The following LSAMP variants were observed in gnomAD, a reference collection of about 807,000 sequenced individuals.
The protein encoded by LSAMP is limbic system-associated membrane protein.
A neutral mutation model predicts 38.6 loss-of-function variants in LSAMP; 7 were observed. The observed-to-expected ratio is 0.18, with a 90% CI of 0.10 to 0.34. The LOEUF (loss-of-function observed/expected upper bound fraction) is 0.34, where lower values mean the gene tolerates loss of function less well. Ranked by LOEUF, LSAMP falls within the 10% of genes least tolerant of loss-of-function variation. LSAMP has a pLI of 1.00. For synonymous variants in LSAMP, 154 were observed against 166.8 expected, an observed-to-expected ratio of 0.92 and a Z score of 0.59; for missense variants, 313 against 420.0, an observed-to-expected ratio of 0.75 and a Z score of 2.23.
At chr3:116,392,362 G>A (rs567822854) in intron 1 of LSAMP, among the ~76,000 whole-genome samples, 7 of 152,314 alleles carry the variant, frequency 4.6e-5, no homozygotes, top group East Asian at 1.9e-4. Context: ...TCTCCCCACT[G>A]TTCACACTTG....
chr3:115,985,420 C>T (rs1189438477), intron 3 of LSAMP, among the ~76,000 whole-genome samples: 3 of 152,078 alleles, frequency 2.0e-5, no homozygotes, highest in East Asian at 1.9e-4. Flanking sequence ...CATGCTTAAC[C>T]GAGTAAGCAG....
chr3:115,969,220 C>T (rs78857574), intron 3 of LSAMP, among the ~76,000 whole-genome samples: 2,310 of 152,254 alleles, frequency 0.015, 27 homozygotes, highest in Non-Finnish European at 0.026. Flanking sequence ...GACATTTCTG[C>T]GGAGAGGACG....
chr3:116,017,536 C>A (rs1433916551), intron 3 of LSAMP, among the ~76,000 whole-genome samples: 1 of 151,944 alleles, frequency 6.6e-6, no homozygotes. Flanking sequence ...TGGACTTGAT[C>A]CCATAAACTT....
At chr3:116,387,956 G>A (rs1157738322) in intron 1 of LSAMP, among the ~76,000 whole-genome samples, 1 of 151,764 alleles carries the variant, frequency 6.6e-6, no homozygotes, top group African/African-American at 2.4e-5. Context: ...AAAAAAAAAT[G>A]AGTTGGGTGT....
intron 2 of LSAMP, chr3:116,051,206 G>A (rs1198412565): frequency 6.6e-6 from 1 of 152,186 alleles, no homozygotes; most frequent in Non-Finnish European, 1.5e-5. Flanking sequence ...GGAGCAGCAA[G>A]GTGAATGACG....
intron 1 of LSAMP, among the ~76,000 whole-genome samples, chr3:116,170,841 C>A (rs1710179718): frequency 6.6e-6 from 1 of 151,974 alleles, no homozygotes; most frequent in Non-Finnish European, 1.5e-5. Flanking sequence ...ACAAGTTGGG[C>A]AGGCTCCAGG....
chr3:116,105,672 A>G (rs1015785154), intron 1 of LSAMP, among the ~76,000 whole-genome samples: 1 of 152,194 alleles, frequency 6.6e-6, no homozygotes, highest in African/African-American at 2.4e-5. Context: ...GTCATCAGTT[A>G]AGGCGGGGCA....
At chr3:115,830,838 G>A (rs950560980) in intron 6 of LSAMP, among the ~76,000 whole-genome samples, 56 of 152,066 alleles carry the variant, frequency 3.7e-4, no homozygotes, top group African/African-American at 1.3e-3. Context: ...TGTATTACTG[G>A]GAATGCCAGG....
At chr3:115,853,757 C>A (rs1280010574) in intron 3 of LSAMP, among the ~76,000 whole-genome samples, 32 of 152,104 alleles carry the variant, frequency 2.1e-4, no homozygotes, top group Non-Finnish European at 4.4e-5. Flanking sequence ...ACCCCCTCAC[C>A]CCAAAATTTC....
chr3:115,853,000 G>A (rs116625423), intron 3 of LSAMP, among the ~76,000 whole-genome samples: 3 of 152,154 alleles, frequency 2.0e-5, no homozygotes, highest in South Asian at 4.1e-4. Context: ...GTGTTCATAG[G>A]TGCATGCACT....
intron 3 of LSAMP, among the ~76,000 whole-genome samples, chr3:115,854,285 T>A (rs12233578): frequency 0.15 from 13,230 of 89,682 alleles, 590 homozygotes; most frequent in African/African-American, 0.17. Flanking sequence ...TATTATTATT[T>A]TTTTTTTTTT....
intron 1 of LSAMP, among the ~76,000 whole-genome samples, chr3:116,301,717 A>C (rs114002339): frequency 1.3e-5 from 2 of 152,172 alleles, no homozygotes; most frequent in East Asian, 3.8e-4. Flanking sequence ...ATGGGAAATT[A>C]AGGCTTCAGA....
chr3:115,915,230 A>T (rs1937225045), intron 3 of LSAMP, among the ~76,000 whole-genome samples: 1 of 152,146 alleles, frequency 6.6e-6, no homozygotes, highest in South Asian at 2.1e-4. Flanking sequence ...TTCTGAGACA[A>T]CTCCCATGCT....
intron 1 of LSAMP, among the ~76,000 whole-genome samples, chr3:116,174,770 A>G (rs2864074): frequency 0.84 from 128,057 of 151,998 alleles, 54,131 homozygotes; most frequent in South Asian, 0.91. Context: ...ATCATGGACA[A>G]TGACTCTCTG....
At chr3:116,061,255 C>CT (rs1941588962) in intron 2 of LSAMP, among the ~76,000 whole-genome samples, 1 of 152,186 alleles carries the variant, frequency 6.6e-6, no homozygotes, top group South Asian at 2.1e-4. Flanking sequence ...TGCTCCAAAG[C>CT]TCATGCTCTT....
At chr3:115,835,961 A>G (rs1400258777) in intron 6 of LSAMP, among the ~76,000 whole-genome samples, 1 of 152,222 alleles carries the variant, frequency 6.6e-6, no homozygotes, top group Non-Finnish European at 1.5e-5. Flanking sequence ...TGCTTTTAGC[A>G]TTTATGTAGC....
rs542431838 is a variant in LSAMP at position 115,969,637 on chromosome 3, C to T, written c.514+49878G>A. Among the ~76,000 whole-genome samples the T allele has an allele frequency of 1.6e-4, 25 of 152,256 alleles. 2 individuals are homozygous for T. In the East Asian group the frequency reaches 3.9e-3, roughly 23 times the overall value. On this transcript the variant is annotated intron_variant, in intron 3 of 6. Transcript: ENST00000490035. Reference sequence around the variant, plus strand: ...CCTTCACCACCATCTTGGTATCATTCGTTTGTTTTAAATGCTCTCATGTTT... The same window carrying T: ...CCTTCACCACCATCTTGGTATCATTTGTTTGTTTTAAATGCTCTCATGTTT...
intron 3 of LSAMP, among the ~76,000 whole-genome samples, chr3:115,871,794 G>A (rs570797996): frequency 2.4e-4 from 37 of 152,212 alleles, no homozygotes; most frequent in African/African-American, 8.7e-4. Context: ...AATGAGCAAA[G>A]CAGGAATACC....
chr3:116,153,576 A>G (rs575455247), intron 1 of LSAMP, among the ~76,000 whole-genome samples: 4 of 152,284 alleles, frequency 2.6e-5, no homozygotes, highest in Non-Finnish European at 4.4e-5. Flanking sequence ...ATGTGTCCTC[A>G]TATTATTTAA....
Sources: gnomAD v4.1 joint callset for allele counts (sites outside exome capture counted in the v4.1 genomes callset) on GRCh38, gnomAD v4.1.1 for gene constraint, MANE v1.5 for transcripts, NCBI Gene and HGNC (gene_info 2026-07-23, HGNC 2026-07-21) for gene names.